The following DAB1 variants were observed in gnomAD, a reference collection of about 807,000 sequenced individuals.
The protein encoded by DAB1 is disabled homolog 1.
A neutral mutation model predicts 64.6 loss-of-function variants in DAB1; 15 were observed. That is an observed-to-expected ratio of 0.23 (90% CI 0.16 to 0.36). The LOEUF is 0.36. Among genes scored for constraint, DAB1 ranks in the 10% least tolerant of loss-of-function variants. The probability of loss-of-function intolerance (pLI) is 1.00; values close to 1 mark genes in which losing one functional copy is unlikely to be tolerated. For synonymous variants in DAB1, 235 were observed against 251.9 expected (o/e 0.93, Z 0.64); for missense variants, 596 against 706.7 (o/e 0.84, Z 1.78).
intron 1 of DAB1, among the ~76,000 whole-genome samples, chr1:57,352,938 A>G (rs762524801): frequency 3.3e-5 from 5 of 152,106 alleles, no homozygotes; most frequent in African/African-American, 4.8e-5. Context: ...AAGAGAGAAC[A>G]GTCCAAGAGA....
chr1:57,267,619 A>C (rs1270143747), intron 2 of DAB1, among the ~76,000 whole-genome samples: 1 of 152,096 alleles, frequency 6.6e-6, no homozygotes, highest in Non-Finnish European at 1.5e-5. Context: ...CCCAGGTTCT[A>C]CCTCTGGTTC....
At chr1:57,866,677 T>C (rs111821768) in intron 1 of DAB1, among the ~76,000 whole-genome samples, 3 of 152,312 alleles carry the variant, frequency 2.0e-5, no homozygotes, top group African/African-American at 7.2e-5. Context: ...AGAGCTCTTA[T>C]GAGGGCAGCA....
chr1:58,149,107 C>A (rs1654777798), intron 5 of DAB1, among the ~76,000 whole-genome samples: 1 of 152,308 alleles, frequency 6.6e-6, no homozygotes, highest in East Asian at 1.9e-4. Context: ...ATTCCACTAT[C>A]TCTTTTATTT....
At chr1:57,944,898 CAG>C (rs1469516470) in intron 5 of DAB1, among the ~76,000 whole-genome samples, 10 of 152,280 alleles carry the variant, frequency 6.6e-5, no homozygotes, top group African/African-American at 2.4e-4. Context: ...GCAGAGCAAG[CAG>C]AGATACATAT....
intron 5 of DAB1, among the ~76,000 whole-genome samples, chr1:58,004,425 A>T (rs1158224168): frequency 6.6e-6 from 1 of 152,128 alleles, no homozygotes; most frequent in Non-Finnish European, 1.5e-5. Context: ...CTTGAACCTC[A>T]GTCCATGGGC....
intron 1 of DAB1, among the ~76,000 whole-genome samples, chr1:57,407,453 CG>C (rs774527630): frequency 3.2e-4 from 48 of 152,144 alleles, no homozygotes; most frequent in Non-Finnish European, 5.3e-4. Flanking sequence ...AAGGGAAGAG[CG>C]GTGTGACTTT....
At chr1:58,107,710 G>A (rs1386983238) in intron 5 of DAB1, among the ~76,000 whole-genome samples, 5 of 151,810 alleles carry the variant, frequency 3.3e-5, no homozygotes, top group African/African-American at 7.3e-5. Context: ...TCTGCCTCCC[G>A]GGTTCAAGTG....
At position 57,819,056 on chromosome 1, in the gene DAB1, C is replaced by T. The variant is rs572412216; in HGVS notation, n.551+64943G>A. Among the ~76,000 whole-genome samples the T allele has an allele frequency of 2.6e-5, 4 of 152,298 alleles. No individual in the cohort carries two copies. In the East Asian group the frequency reaches 7.7e-4, roughly 29 times the overall value. On this transcript the variant is annotated intron_variant and non_coding_transcript_variant, in intron 6 of 20. Coordinates refer to the DAB1 transcript ENST00000485760. Reference sequence around the variant, plus strand: ...CTCTTACCCTCCCTTCTTCTATCCCCATGAGCCTAGCATAGTGCTATATAC... The same window carrying T: ...CTCTTACCCTCCCTTCTTCTATCCCTATGAGCCTAGCATAGTGCTATATAC...
At position 58,030,244 on chromosome 1, in the gene DAB1, G is replaced by A. The variant is rs113908761; in HGVS notation, n.387+120267C>T. The stretch of plus-strand genomic sequence containing the variant: ...TAAATAAAAGTATGAATCAAACTGT[G>A]TGCATATTACTAAAAACAAGCAAAG... On this transcript the variant is annotated intron_variant and non_coding_transcript_variant, in intron 5 of 20. Coordinates refer to the DAB1 transcript ENST00000485760. 8.7e-4 allele frequency among the ~76,000 whole-genome samples: 133 copies of A among 152,134 alleles called. 1 individual carries two copies. Among genetic ancestry groups the A allele is most frequent in the African/African-American group, 2.8e-3 (116 of 41,526 alleles).
intron 5 of DAB1, among the ~76,000 whole-genome samples, chr1:57,981,744 T>G (rs1284573454): frequency 6.6e-6 from 1 of 152,180 alleles, no homozygotes; most frequent in Non-Finnish European, 1.5e-5. Flanking sequence ...CTGACATAAA[T>G]TCAGTGCTGA....
At chr1:57,035,507 A>G (rs993586903) in intron 9 of DAB1, among the ~76,000 whole-genome samples, 3 of 152,048 alleles carry the variant, frequency 2.0e-5, no homozygotes, top group African/African-American at 7.2e-5. Context: ...CTGAGGTGTG[A>G]TGAGGCGATT....
chr1:58,255,062 GTT>G, intron 4 of DAB1, among the ~76,000 whole-genome samples: 1 of 111,650 alleles, frequency 9.0e-6, no homozygotes, highest in African/African-American at 3.9e-5. Flanking sequence ...TCCAGCACCT[GTT>G]GTTTCCTGAC....
intron 6 of DAB1, among the ~76,000 whole-genome samples, chr1:57,678,760 T>TA: frequency 1.3e-5 from 1 of 78,424 alleles, no homozygotes; most frequent in East Asian, 1.2e-3. Flanking sequence ...GTGAGGCAAC[T>TA]GTTTTTTGTT....
At chr1:57,956,672 G>T (rs1189530607) in intron 5 of DAB1, among the ~76,000 whole-genome samples, 1 of 152,204 alleles carries the variant, frequency 6.6e-6, no homozygotes, top group African/African-American at 2.4e-5. Context: ...AATGAGGGAA[G>T]CTTCATTCCG....
intron 3 of DAB1, among the ~76,000 whole-genome samples, chr1:58,416,056 A>T (rs770551692): frequency 6.6e-6 from 1 of 152,218 alleles, no homozygotes; most frequent in Non-Finnish European, 1.5e-5. Flanking sequence ...ATCCCCTCAG[A>T]GAAAGGTAGA....
At chr1:57,030,566 G>GTGTGGTGGACAAGGGCAAGGT (rs1646935491) in intron 9 of DAB1, among the ~76,000 whole-genome samples, 1 of 152,234 alleles carries the variant, frequency 6.6e-6, no homozygotes, top group Non-Finnish European at 1.5e-5. Context: ...GAGGAGGCCA[G>GTGTGGTGGACAAGGGCAAGGT]TGTGGTGGAC....
At chr1:57,831,202 C>A (rs939699466) in intron 1 of DAB1, among the ~76,000 whole-genome samples, 1 of 152,112 alleles carries the variant, frequency 6.6e-6, no homozygotes, top group Admixed American at 6.5e-5. Flanking sequence ...TGTGAGCCAC[C>A]GCGCCCAGCC....
chr1:58,010,986 G>C (rs1022103812), intron 5 of DAB1, among the ~76,000 whole-genome samples: 1 of 152,188 alleles, frequency 6.6e-6, no homozygotes, highest in Non-Finnish European at 1.5e-5. Flanking sequence ...TGAGGCAGTG[G>C]TAACTACTAT....
At chr1:57,261,912 A>G (rs1186115806) in intron 2 of DAB1, among the ~76,000 whole-genome samples, 3 of 152,196 alleles carry the variant, frequency 2.0e-5, no homozygotes, top group Non-Finnish European at 4.4e-5. Context: ...ACAGATAGTC[A>G]CTGATTTATT....
Sources: allele counts gnomAD v4.1 joint callset (sites outside exome capture counted in the v4.1 genomes callset), GRCh38; gene constraint gnomAD v4.1.1; transcripts MANE v1.5; gene names NCBI Gene and HGNC (gene_info 2026-07-23, HGNC 2026-07-21).